Variants in PRKAR1B observed in about 807,000 individuals in gnomAD.
The protein encoded by PRKAR1B is cAMP-dependent protein kinase type I-beta regulatory subunit.
A neutral mutation model predicts 46.5 loss-of-function variants in PRKAR1B; 22 were observed. That is an observed-to-expected ratio of 0.47 (90% CI 0.34 to 0.68). The LOEUF is 0.68. PRKAR1B is among the 30% of genes least tolerant of loss of function. The pLI is 0.01. For missense variants in PRKAR1B, 445 were observed against 535.6 expected, an observed-to-expected ratio of 0.83 and a Z score of 1.67; for synonymous variants, 259 against 217.7, an observed-to-expected ratio of 1.19 and a Z score of -1.67.
chr7:673,640 C>T (rs541044708), intron 4 of PRKAR1B, among the ~76,000 whole-genome samples: 295 of 147,590 alleles, frequency 2.0e-3, no homozygotes, highest in African/African-American at 7.2e-3. Context: ...CAGAGTGAGA[C>T]TCCATCTCAA....
At chr7:727,124 C>A in intron 1 of PRKAR1B, 86 bp downstream of exon 1, 1 of 1,167,090 alleles carries the variant, frequency 8.6e-7, no homozygotes. Context: ...CGCCGCCCGC[C>A]CGAGGCCTGT....
At chr7:581,777 G>A (rs1413671598) in intron 8 of PRKAR1B, among the ~76,000 whole-genome samples, 2 of 152,026 alleles carry the variant, frequency 1.3e-5, no homozygotes, top group African/African-American at 4.8e-5. Flanking sequence ...GTGCAGTGGC[G>A]TGATCACGGC....
At chr7:726,642 C>T (rs1781299416) in intron 1 of PRKAR1B, 2 of 1,100,600 alleles carry the variant, frequency 1.8e-6, no homozygotes, top group Non-Finnish European at 2.3e-6. Flanking sequence ...GCCCGCAGCG[C>T]GGACCGGAAG....
chr7:614,527 C>T (rs966686873), intron 4 of PRKAR1B, among the ~76,000 whole-genome samples: 1 of 151,984 alleles, frequency 6.6e-6, no homozygotes, highest in Non-Finnish European at 1.5e-5. Flanking sequence ...GACCGGGCAC[C>T]ATAAGGAGGT....
chr7:722,113 T>C (rs1781095539), intron 1 of PRKAR1B, among the ~76,000 whole-genome samples: 1 of 145,128 alleles, frequency 6.9e-6, no homozygotes, highest in Non-Finnish European at 1.5e-5. Flanking sequence ...TTTTTTTTTT[T>C]TTTTTGAGAT....
intron 5 of PRKAR1B, 34 bp from the exon 6 acceptor site, chr7:606,273 G>C (rs767386885): frequency 6.2e-7 from 1 of 1,602,148 alleles, no homozygotes; most frequent in Non-Finnish European, 8.5e-7. Context: ...CAGATACAAA[G>C]TACATCCAGA....
At chr7:690,948 T>G (rs1022080351) in intron 2 of PRKAR1B, among the ~76,000 whole-genome samples, 1 of 152,218 alleles carries the variant, frequency 6.6e-6, no homozygotes, top group South Asian at 2.1e-4. Flanking sequence ...AGCCTGCACT[T>G]GGGAATTCTT....
intron 9 of PRKAR1B, among the ~76,000 whole-genome samples, chr7:553,341 C>G (rs923060399): frequency 2.6e-5 from 4 of 152,364 alleles, no homozygotes; most frequent in African/African-American, 9.6e-5. Context: ...AGACACTCCC[C>G]GAATTCCACT....
intron 2 of PRKAR1B, among the ~76,000 whole-genome samples, chr7:685,298 A>ACGTATATATATATATACGTATATATACG (rs1263590458): frequency 2.7e-4 from 4 of 14,800 alleles, no homozygotes; most frequent in African/African-American, 9.8e-4. Context: ...ATGTATACAT[A>ACGTATATATATATATACGTATATATACG]TATATATACG....
chr7:724,686 C>T (rs1781187034), intron 1 of PRKAR1B, among the ~76,000 whole-genome samples: 1 of 152,208 alleles, frequency 6.6e-6, no homozygotes, highest in Admixed American at 6.5e-5. Flanking sequence ...AGTTCAACAT[C>T]CCTTGACACT....
intron 9 of PRKAR1B, among the ~76,000 whole-genome samples, chr7:559,047 T>C (rs952244846): frequency 3.3e-5 from 5 of 152,208 alleles, no homozygotes; most frequent in African/African-American, 4.8e-5. Context: ...GAGCTGCCGA[T>C]GCATCTCCCT....
intron 7 of PRKAR1B, among the ~76,000 whole-genome samples, chr7:591,559 G>A (rs1419703075): frequency 2.0e-5 from 3 of 152,212 alleles, no homozygotes; most frequent in Admixed American, 1.3e-4. Context: ...CTGGAGCGTT[G>A]ATAACGGCTG....
At chr7:675,665 A>C (rs1300539307) in intron 4 of PRKAR1B, among the ~76,000 whole-genome samples, 3 of 152,194 alleles carry the variant, frequency 2.0e-5, no homozygotes. Context: ...TTAAAAATGC[A>C]GGCCGGGCGC....
chr7:640,036 G>A (rs1454423503), intron 4 of PRKAR1B, among the ~76,000 whole-genome samples: 2 of 151,486 alleles, frequency 1.3e-5, no homozygotes, highest in Non-Finnish European at 2.9e-5. Context: ...GGTGGCATGC[G>A]CCTGTAGTCC....
intron 4 of PRKAR1B, among the ~76,000 whole-genome samples, chr7:675,456 G>A (rs916376486): frequency 1.3e-5 from 2 of 152,206 alleles, no homozygotes; most frequent in Non-Finnish European, 2.9e-5. Context: ...AGGTCATTTA[G>A]ATTTTATATA....
rs79173934 is a variant in PRKAR1B at position 554,808 on chromosome 7, A to G, written c.892-3338T>C. 9.8e-3 allele frequency among the ~76,000 whole-genome samples: 825 copies of G among 83,826 alleles called. 13 individuals are homozygous for G. Among genetic ancestry groups the G allele is most frequent in the Non-Finnish European group, 0.014 (582 of 40,294 alleles). 55.0% of individuals were successfully genotyped at this position (83,826 alleles called of 152,430 possible). A position where few individuals can be genotyped will look rare whatever the true frequency, so the allele number is the denominator to read the frequency against. On this transcript the variant is annotated intron_variant, in intron 9 of 10. Coordinates refer to ENST00000537384, the MANE Select transcript of PRKAR1B (RefSeq NM_001164760.2). ...CCCACAGAGCCGGAAGACAGGGGAG[A>G]CCACGGATCCTGCAGAGCCGGAAGA...
intron 4 of PRKAR1B, among the ~76,000 whole-genome samples, chr7:639,525 T>C (rs1302746286): frequency 6.6e-6 from 1 of 152,058 alleles, no homozygotes; most frequent in African/African-American, 2.4e-5. Context: ...AGCAAAGAGA[T>C]TTTAGATGTA....
At chr7:637,323 G>A (rs1018569459) in intron 4 of PRKAR1B, among the ~76,000 whole-genome samples, 5 of 151,868 alleles carry the variant, frequency 3.3e-5, no homozygotes, top group Admixed American at 2.6e-4. Context: ...AGGCTGAGGC[G>A]GGAGAATCGC....
intron 9 of PRKAR1B, among the ~76,000 whole-genome samples, chr7:564,174 C>T (rs560674100): frequency 1.3e-5 from 2 of 152,264 alleles, no homozygotes; most frequent in South Asian, 4.2e-4. Context: ...CCAGTGGGCC[C>T]CTCCGGGTCC....
Sources: gnomAD v4.1 joint callset for allele counts (sites outside exome capture counted in the v4.1 genomes callset) on GRCh38, gnomAD v4.1.1 for gene constraint, MANE v1.5 for transcripts, NCBI Gene and HGNC (gene_info 2026-07-23, HGNC 2026-07-21) for gene names.